ADGRL2: variants seen among roughly 807,000 people sequenced by gnomAD.
The protein encoded by ADGRL2 is adhesion G protein-coupled receptor L2, also known as calcium-independent alpha-latrotoxin receptor 2.
ADGRL2 carries 44 observed loss-of-function variants against 157.4 expected under a neutral mutation model. The observed-to-expected ratio is 0.28, with a 90% CI of 0.22 to 0.36. The LOEUF (loss-of-function observed/expected upper bound fraction) is 0.36. ADGRL2 is among the 10% of genes least tolerant of loss of function. The pLI is 1.00. For synonymous variants in ADGRL2, 585 were observed against 624.7 expected (o/e 0.94, Z 0.95); for missense variants, 1,510 against 1,768.9 (o/e 0.85, Z 2.63).
chr1:81,335,330 C>T (rs990794866), intron 1 of ADGRL2, among the ~76,000 whole-genome samples: 10 of 152,272 alleles, frequency 6.6e-5, no homozygotes, highest in Admixed American at 6.5e-4. Context: ...TCAGAATGTG[C>T]AATTAATTTA....
chr1:81,920,333 G>A (rs2094948598), intron 3 of ADGRL2, among the ~76,000 whole-genome samples: 1 of 152,132 alleles, frequency 6.6e-6, no homozygotes, highest in Admixed American at 6.6e-5. Flanking sequence ...AACTGTCCTT[G>A]AAAACAACTC....
intron 11 of ADGRL2, among the ~76,000 whole-genome samples, chr1:81,957,281 A>G (rs1653813919): frequency 6.6e-6 from 1 of 152,004 alleles, no homozygotes; most frequent in Non-Finnish European, 1.5e-5. Flanking sequence ...CATCAGCCTT[A>G]CATATATAGA....
At chr1:81,920,817 A>G (rs1167726090) in intron 3 of ADGRL2, among the ~76,000 whole-genome samples, 1 of 151,960 alleles carries the variant, frequency 6.6e-6, no homozygotes, top group East Asian at 1.9e-4. Flanking sequence ...GTGCTAATAC[A>G]TTATAGGAAT....
chr1:81,497,733 C>G (rs1016677539), intron 2 of ADGRL2, among the ~76,000 whole-genome samples: 1 of 152,056 alleles, frequency 6.6e-6, no homozygotes, highest in African/African-American at 2.4e-5. Flanking sequence ...TGAAATGATG[C>G]GAAGTATGTG....
At chr1:81,311,865 G>A (rs1225211946) in intron 1 of ADGRL2, among the ~76,000 whole-genome samples, 1 of 152,122 alleles carries the variant, frequency 6.6e-6, no homozygotes, top group Non-Finnish European at 1.5e-5. Flanking sequence ...AAGAAAAGAA[G>A]GAGACTGAAA....
At chr1:81,460,485 T>C (rs1294784158) in intron 2 of ADGRL2, among the ~76,000 whole-genome samples, 1 of 152,182 alleles carries the variant, frequency 6.6e-6, no homozygotes, top group Non-Finnish European at 1.5e-5. Context: ...TGCATAATTT[T>C]ACCTTAAAGG....
rs147967443 is a variant in ADGRL2, at chr1:81,380,901, C to T, written c.-301-64135C>T. On this transcript the variant is annotated intron_variant, in intron 1 of 24. Coordinates refer to the ADGRL2 transcript ENST00000370721. ...CCAAACTCTTATTTTATTTCAATTA[C>T]ATGAAACACAGAAATACATGTGGAA... Among the ~76,000 whole-genome samples the T allele has an allele frequency of 2.8e-3, 419 of 152,032 alleles. 5 individuals are homozygous for T. The South Asian group carries it at 0.036, about 13-fold the overall frequency.
In ADGRL2 at chr1:81,748,342, G is replaced by T. The variant is rs189816851; in HGVS notation, c.-142-13469G>T. Among the ~76,000 whole-genome samples, 342 of 151,568 alleles carry T rather than the reference G, an allele frequency of 2.3e-3. 2 individuals are homozygous for T. The highest frequency in any genetic ancestry group is 6.7e-3 in the South Asian group (32 of 4,812). ...AAATACAAAAATTAGCTGGGCACGCGCCTATAATCCCAGCTACTCGGGAGG... is the reference window on the plus strand; with the variant it reads ...AAATACAAAAATTAGCTGGGCACGCTCCTATAATCCCAGCTACTCGGGAGG... On this transcript the variant is annotated intron_variant, in intron 1 of 20. Coordinates refer to the ADGRL2 transcript ENST00000359929.
chr1:81,722,721 G>C (rs560901327), intron 1 of ADGRL2: 1 of 945,342 alleles, frequency 1.1e-6, no homozygotes, highest in African/African-American at 1.6e-5. Context: ...CGTGAAGAGC[G>C]AGAGATCAAA....
intron 2 of ADGRL2, among the ~76,000 whole-genome samples, chr1:81,780,694 A>G (rs1288568151): frequency 1.3e-5 from 2 of 152,182 alleles, no homozygotes; most frequent in African/African-American, 4.8e-5. Context: ...ATACGTATAT[A>G]ATAATAATGG....
intron 2 of ADGRL2, among the ~76,000 whole-genome samples, chr1:81,772,831 T>C (rs2086430625): frequency 6.6e-6 from 1 of 152,138 alleles, no homozygotes; most frequent in African/African-American, 2.4e-5. Flanking sequence ...AGCTATTACA[T>C]AGCTATAAAC....
intron 1 of ADGRL2, among the ~76,000 whole-genome samples, chr1:81,314,608 CT>C (rs1040539491): frequency 9.9e-5 from 15 of 152,154 alleles, no homozygotes; most frequent in African/African-American, 3.6e-4. Context: ...TATTCTTTAA[CT>C]TTTTTCCTTG....
intron 1 of ADGRL2, among the ~76,000 whole-genome samples, chr1:81,399,344 G>A (rs2076710971): frequency 6.6e-6 from 1 of 152,146 alleles, no homozygotes; most frequent in South Asian, 2.1e-4. Flanking sequence ...GGATTTTTCA[G>A]CTATAATTTT....
At chr1:81,502,866 C>T in intron 2 of ADGRL2, 4 of 1,613,176 alleles carry the variant, frequency 2.5e-6, no homozygotes, top group Admixed American at 1.7e-5. Flanking sequence ...CACCCAAGAT[C>T]CGCTTTCCCA....
chr1:81,354,908 A>G (rs7531944), intron 1 of ADGRL2, among the ~76,000 whole-genome samples: 37,328 of 152,066 alleles, frequency 0.25, 5,331 homozygotes, highest in East Asian at 0.62. Flanking sequence ...TGGCTGCCTC[A>G]CAAATACAAC....
At chr1:81,469,005 A>G (rs1271736570) in intron 2 of ADGRL2, among the ~76,000 whole-genome samples, 2 of 152,162 alleles carry the variant, frequency 1.3e-5, no homozygotes, top group Non-Finnish European at 2.9e-5. Flanking sequence ...CCACATCACG[A>G]GATGACTTCT....
At chr1:81,540,168 C>T (rs1298469477) in intron 2 of ADGRL2, among the ~76,000 whole-genome samples, 1 of 152,056 alleles carries the variant, frequency 6.6e-6, no homozygotes, top group Non-Finnish European at 1.5e-5. Context: ...GTATAATAGC[C>T]AGGACATCAT....
chr1:81,855,537 CTCTTCTTTTTCTTTT>C (rs2093171562), intron 2 of ADGRL2, among the ~76,000 whole-genome samples: 1 of 150,744 alleles, frequency 6.6e-6, no homozygotes, highest in African/African-American at 2.5e-5. Flanking sequence ...CTTTTTCTTC[CTCTTCTTTTTCTTTT>C]TCTTTTTTTT....
chr1:81,383,177 A>T (rs556112774), intron 1 of ADGRL2, among the ~76,000 whole-genome samples: 16 of 152,306 alleles, frequency 1.1e-4, no homozygotes, highest in African/African-American at 3.6e-4. Context: ...AAGGAAAAGA[A>T]CTTTTTCCTC....
Sources: gnomAD v4.1 joint callset for allele counts (sites outside exome capture counted in the v4.1 genomes callset) on GRCh38, gnomAD v4.1.1 for gene constraint, MANE v1.5 for transcripts, NCBI Gene and HGNC (gene_info 2026-07-23, HGNC 2026-07-21) for gene names.